The following SRRM4 variants were observed in gnomAD, a reference collection of about 807,000 sequenced individuals.
SRRM4 encodes the protein serine/arginine repetitive matrix 4.
Under a neutral mutation model 68.9 loss-of-function variants are expected in SRRM4, and 33 were observed. The ratio of observed to expected loss-of-function variants is 0.48; its 90% confidence interval spans 0.36 to 0.64. The LOEUF is 0.64. SRRM4 is among the 30% of genes least tolerant of loss of function. The pLI, the probability that SRRM4 is intolerant of heterozygous loss-of-function variation, is 0.00. For missense variants in SRRM4, 817 were observed against 827.1 expected, an observed-to-expected ratio of 0.99 and a Z score of 0.15; for synonymous variants, 318 against 318.8, an observed-to-expected ratio of 1.00 and a Z score of 0.03.
intron 2 of SRRM4, among the ~76,000 whole-genome samples, chr12:119,108,956 G>C (rs1008379903): frequency 6.6e-6 from 1 of 152,218 alleles, no homozygotes; most frequent in Non-Finnish European, 1.5e-5. Context: ...GCAGTGGCTA[G>C]TATCAGTTGT....
chr12:119,136,677 A>G (rs565625087), intron 8 of SRRM4, among the ~76,000 whole-genome samples: 2 of 152,274 alleles, frequency 1.3e-5, no homozygotes, highest in East Asian at 3.9e-4. Context: ...AACTAATTAC[A>G]TTGAACTTAT....
At position 119,019,957 on chromosome 12, in the gene SRRM4, C is replaced by T. The variant is rs1404750283; in HGVS notation, c.131+37944C>T. Among the ~76,000 whole-genome samples the T allele has an allele frequency of 2.3e-4, 19 of 84,330 alleles. 2 individuals carry two copies. The highest frequency in any genetic ancestry group is 6.3e-4 in the African/African-American group (16 of 25,200). The allele number at this position is 84,330 out of a possible 152,430, so 55.3% of individuals were successfully genotyped here. ...TGGACAGTTCCCCCCGCTCCCCCCC[C>T]CCCCAAAAAAAAATCACACACATGC... On this transcript the variant is annotated intron_variant, in intron 1 of 12. Coordinates refer to ENST00000267260, the MANE Select transcript of SRRM4 (RefSeq NM_194286.4).
At chr12:119,113,194 T>G (rs1332147332) in intron 2 of SRRM4, among the ~76,000 whole-genome samples, 2 of 152,182 alleles carry the variant, frequency 1.3e-5, no homozygotes, top group African/African-American at 4.8e-5. Flanking sequence ...TTATCATTCT[T>G]TCTACTAACC....
Position 119,152,395 on chromosome 12 carries a change from C to T in SRRM4, c.1281-1144C>T, listed in dbSNP as rs868433839. 1.1e-4 allele frequency among the ~76,000 whole-genome samples: 17 copies of T among 152,294 alleles called. No individual in the cohort carries two copies. The South Asian group carries it at 1.4e-3, about 13-fold the overall frequency. On this transcript the variant is annotated intron_variant, in intron 10 of 12. Coordinates refer to ENST00000267260, the MANE Select transcript of SRRM4 (RefSeq NM_194286.4). Reference sequence around the variant, plus strand: ...AAGTCAGGAGACAGTCCCAAAAGTACGTCCTACCATTCTGTAAAGTTGCTA... The same window carrying T: ...AAGTCAGGAGACAGTCCCAAAAGTATGTCCTACCATTCTGTAAAGTTGCTA...
chr12:119,063,664 C>T (rs1303617719), intron 1 of SRRM4, among the ~76,000 whole-genome samples: 1 of 152,092 alleles, frequency 6.6e-6, no homozygotes, highest in East Asian at 1.9e-4. Context: ...TAATTAACAG[C>T]CTTAATAACT....
At chr12:119,008,625 T>C (rs924291645) in intron 1 of SRRM4, among the ~76,000 whole-genome samples, 1 of 152,188 alleles carries the variant, frequency 6.6e-6, no homozygotes, top group African/African-American at 2.4e-5. Flanking sequence ...TCTGTGAAAG[T>C]AGGCTACTGC....
rs1954505633 is a variant in SRRM4, at chr12:119,160,421, A to G, written c.*3623A>G. On this transcript the variant is annotated 3_prime_UTR_variant, in exon 13 of 13. Transcript: ENST00000267260. Reference sequence around the variant, plus strand: ...TAACCCTGATTAACCAGAACCTCCCATTCCCAGTATCGCTGTTCCTACGCC... The same window carrying G: ...TAACCCTGATTAACCAGAACCTCCCGTTCCCAGTATCGCTGTTCCTACGCC... 6.6e-6 allele frequency: 1 copy of G among 152,134 alleles called. No individual in the cohort carries two copies. The highest frequency in any genetic ancestry group is 1.9e-4 in the East Asian group (1 of 5,184). 9.4% of individuals were successfully genotyped at this position (152,134 alleles called of 1,614,324 possible). A position where few individuals can be genotyped will look rare whatever the true frequency, so the allele number is the denominator to read the frequency against.
Position 119,099,490 on chromosome 12 carries a change from C to A in SRRM4, c.132-2746C>A, listed in dbSNP as rs540714452. On this transcript the variant is annotated intron_variant, in intron 1 of 12. Coordinates refer to ENST00000267260, the MANE Select transcript of SRRM4 (RefSeq NM_194286.4). ...AACTTGCTATTCCTTCTGCCTAGGG[C>A]ACACTTCTCACTTCGAGCAGATACC... Among the ~76,000 whole-genome samples the A allele has an allele frequency of 7.9e-4, 121 of 152,328 alleles. 1 individual carries two copies. The highest frequency in any genetic ancestry group is 2.5e-3 in the African/African-American group (103 of 41,588).
At chr12:119,112,777 G>A (rs1466428609) in intron 2 of SRRM4, among the ~76,000 whole-genome samples, 1 of 152,154 alleles carries the variant, frequency 6.6e-6, no homozygotes, top group Non-Finnish European at 1.5e-5. Flanking sequence ...ACAGGAAGGG[G>A]AACATCACAC....
At chr12:119,082,573 A>C (rs1953955487) in intron 1 of SRRM4, among the ~76,000 whole-genome samples, 1 of 152,214 alleles carries the variant, frequency 6.6e-6, no homozygotes, top group African/African-American at 2.4e-5. Flanking sequence ...GAGCCAAGCC[A>C]TCCTAGCTGG....
Position 119,157,404 on chromosome 12 carries a change from C to G in SRRM4, c.*606C>G, listed in dbSNP as rs1284373224. On this transcript the variant is annotated 3_prime_UTR_variant, in exon 13 of 13. Coordinates refer to ENST00000267260, the MANE Select transcript of SRRM4 (RefSeq NM_194286.4). This position sits in a 1 kb window ranked among gnomAD's most constrained non-coding sequence, Gnocchi z 4.1. ...TTGAATACCAGATGGGGACGTTTGA[C>G]TTGGTGGGAGGTGTCAGGAGATAGG... is the stretch of plus-strand genomic sequence containing the variant. The G allele has an allele frequency of 1.3e-5, 2 of 153,182 alleles. No individual in the cohort carries two copies. The highest frequency in any genetic ancestry group is 2.9e-5 in the Non-Finnish European group (2 of 68,802). The allele number at this position is 153,182 out of a possible 1,614,324, so 9.5% of individuals were successfully genotyped here.
intron 1 of SRRM4, among the ~76,000 whole-genome samples, chr12:119,101,112 T>C (rs1159076718): frequency 1.3e-5 from 2 of 152,180 alleles, no homozygotes; most frequent in African/African-American, 4.8e-5. Flanking sequence ...AAAACCAATC[T>C]GGATGCACTG....
intron 1 of SRRM4, among the ~76,000 whole-genome samples, chr12:119,015,187 AT>A (rs1250243815): frequency 6.6e-6 from 1 of 152,124 alleles, no homozygotes; most frequent in Non-Finnish European, 1.5e-5. Context: ...GGAGTCCAGC[AT>A]CCTCCTCTGC....
intron 1 of SRRM4, among the ~76,000 whole-genome samples, chr12:119,024,286 A>G (rs184854809): frequency 6.3e-4 from 96 of 152,264 alleles, no homozygotes; most frequent in African/African-American, 2.2e-3. Context: ...CCCAGCTCCA[A>G]GTTTTTCCCG....
intron 7 of SRRM4, 36 bp from the exon 8 acceptor site, chr12:119,130,642 T>C: frequency 6.3e-7 from 1 of 1,590,658 alleles, no homozygotes; most frequent in Non-Finnish European, 8.6e-7. Context: ...ATGCTCCCCT[T>C]CAAAAGACCC....
chr12:119,029,517 A>C (rs1333725633), intron 1 of SRRM4, among the ~76,000 whole-genome samples: 4 of 152,236 alleles, frequency 2.6e-5, no homozygotes, highest in Non-Finnish European at 4.4e-5. Flanking sequence ...ACAACCATTC[A>C]TTAGGAGCCC....
At chr12:119,136,972 TCTC>T (rs538848451) in intron 8 of SRRM4, among the ~76,000 whole-genome samples, 28 of 152,200 alleles carry the variant, frequency 1.8e-4, no homozygotes, top group Non-Finnish European at 2.8e-4. Flanking sequence ...TCTTTCTCCA[TCTC>T]CTCCTCCTCC....
At chr12:119,144,056 C>CTTTAGAAGCCCA in intron 8 of SRRM4, among the ~76,000 whole-genome samples, 1 of 152,146 alleles carries the variant, frequency 6.6e-6, no homozygotes, top group Non-Finnish European at 1.5e-5. Context: ...CGCGTGCCCG[C>CTTTAGAAGCCCA]CTTCCCAAGT....
At chr12:118,997,067 A>G (rs1041612605) in intron 1 of SRRM4, among the ~76,000 whole-genome samples, 3 of 152,232 alleles carry the variant, frequency 2.0e-5, no homozygotes, top group Non-Finnish European at 2.9e-5. Flanking sequence ...TCTCAGCAAG[A>G]AGGTTATCCA....
Sources: gnomAD v4.1 joint callset for allele counts (sites outside exome capture counted in the v4.1 genomes callset) on GRCh38, gnomAD v4.1.1 for gene constraint, Gnocchi (gnomAD v3.1) non-coding constraint, MANE v1.5 for transcripts, NCBI Gene and HGNC (gene_info 2026-07-23, HGNC 2026-07-21) for gene names.